The following AP3S1 variants were observed in gnomAD, a reference collection of about 807,000 sequenced individuals.
AP3S1 encodes the protein AP-3 complex subunit sigma-1.
AP3S1 carries 12 observed loss-of-function variants against 21.3 expected under a neutral mutation model. The observed-to-expected ratio is 0.56, with a 90% CI of 0.36 to 0.91. AP3S1 has a LOEUF of 0.91. AP3S1 is among the 40% of genes least tolerant of loss of function. The probability of loss-of-function intolerance (pLI) is 0.01; values close to 1 mark genes in which losing one functional copy is unlikely to be tolerated. For synonymous variants in AP3S1, 48 were observed against 78.4 expected, an observed-to-expected ratio of 0.61 and a Z score of 2.05; for missense variants, 116 against 225.0, an observed-to-expected ratio of 0.52 and a Z score of 3.10.
chr5:115,903,624 T>C (rs1338653650), intron 5 of AP3S1: 4 of 152,340 alleles, frequency 2.6e-5, no homozygotes, highest in African/African-American at 9.6e-5. Flanking sequence ...CGGTTTGTTA[T>C]ACTTAGCTAA....
Position 115,909,997 on chromosome 5 carries a change from C to T in AP3S1, c.454-3365C>T, listed in dbSNP as rs117267710. ...AGTCATGTGAGGCCAGGTGCACTGG[C>T]TCACGCCTATAATACCAACACTTTG... On this transcript the variant is annotated intron_variant, in intron 5 of 5. Transcript: ENST00000316788. Among the ~76,000 whole-genome samples the T allele has an allele frequency of 3.4e-3, 513 of 152,294 alleles. 20 individuals carry two copies. The East Asian group carries it at 0.088, about 26-fold the overall frequency.
In AP3S1 at chr5:115,890,071, G is replaced by A. The variant is rs964533463; in HGVS notation, c.274-5016G>A. Among the ~76,000 whole-genome samples, 5 of 151,270 alleles carry A rather than the reference G, an allele frequency of 3.3e-5. No individual in the cohort carries two copies. The East Asian group carries it at 5.9e-4, about 18-fold the overall frequency. ...ATTTAAAGTCTAAGTGCGTATAATC[G>A]TTTTGAAAGTCTATTTGACACTGTA... is the stretch of plus-strand genomic sequence containing the variant. On this transcript the variant is annotated intron_variant, in intron 3 of 5. Coordinates refer to ENST00000316788, the MANE Select transcript of AP3S1 (RefSeq NM_001284.4).
At chr5:115,887,966 G>A (rs577403534) in intron 3 of AP3S1, among the ~76,000 whole-genome samples, 15 of 152,128 alleles carry the variant, frequency 9.9e-5, no homozygotes, top group African/African-American at 3.6e-4. Context: ...GGCATTTTTC[G>A]AAATCTATTT....
At chr5:115,887,297 C>A (rs1580706500) in intron 3 of AP3S1, among the ~76,000 whole-genome samples, 1 of 151,964 alleles carries the variant, frequency 6.6e-6, no homozygotes, top group African/African-American at 2.4e-5. Context: ...ATATTAGTAT[C>A]CTTAAATTTA....
chr5:115,878,583 T>A (rs1191644043), intron 3 of AP3S1, among the ~76,000 whole-genome samples: 1 of 152,222 alleles, frequency 6.6e-6, no homozygotes, highest in African/African-American at 2.4e-5. Context: ...AGTACCATGC[T>A]GTTTGGGTTA....
chr5:115,880,302 A>G (rs1375406588), intron 3 of AP3S1, among the ~76,000 whole-genome samples: 1 of 152,030 alleles, frequency 6.6e-6, no homozygotes, highest in Non-Finnish European at 1.5e-5. Context: ...GGGTGTCGAT[A>G]TTAGATCTTT....
chr5:115,852,121 A>T (rs909402752), intron 1 of AP3S1, among the ~76,000 whole-genome samples: 1 of 152,176 alleles, frequency 6.6e-6, no homozygotes, highest in Non-Finnish European at 1.5e-5. Context: ...TCATAGGACT[A>T]TAGAACACAC....
rs1258857405 is a variant in AP3S1 at position 115,913,802 on chromosome 5, T to G, written c.*312T>G. On this transcript the variant is annotated 3_prime_UTR_variant, in exon 6 of 6. Transcript: ENST00000316788. ...GTGTTTTAAAAAGTGTTTCAGATAT[T>G]TCTCTAATTATGTACAACCTAAAAT... 3.7e-6 allele frequency: 1 copy of G among 270,114 alleles called. No individual in the cohort carries two copies. The highest frequency in any genetic ancestry group is 8.7e-5 in the East Asian group (1 of 11,450). The allele number at this position is 270,114 out of a possible 1,614,324, so 16.7% of individuals were successfully genotyped here.
chr5:115,849,634 A>C (rs1762295919), intron 1 of AP3S1, among the ~76,000 whole-genome samples: 1 of 152,144 alleles, frequency 6.6e-6, no homozygotes. Context: ...TCACACTTGC[A>C]TTTTGCCATT....
intron 3 of AP3S1, among the ~76,000 whole-genome samples, chr5:115,877,887 G>A (rs189341528): frequency 2.6e-5 from 4 of 152,038 alleles, no homozygotes; most frequent in African/African-American, 9.7e-5. Context: ...TTTAATGATC[G>A]CCATTCTAAC....
At chr5:115,879,130 A>G (rs1347087036) in intron 3 of AP3S1, among the ~76,000 whole-genome samples, 3 of 152,220 alleles carry the variant, frequency 2.0e-5, no homozygotes, top group Non-Finnish European at 4.4e-5. Flanking sequence ...ATATACAATC[A>G]TGTCATCTGC....
chr5:115,879,409 G>T (rs567722982), intron 3 of AP3S1, among the ~76,000 whole-genome samples: 1 of 152,210 alleles, frequency 6.6e-6, no homozygotes, highest in Non-Finnish European at 1.5e-5. Flanking sequence ...TAGTGTGAAG[G>T]GGTGTTGAAT....
At chr5:115,883,041 G>A (rs961995496) in intron 3 of AP3S1, among the ~76,000 whole-genome samples, 1 of 152,168 alleles carries the variant, frequency 6.6e-6, no homozygotes, top group Non-Finnish European at 1.5e-5. Flanking sequence ...AATGGCAGAC[G>A]CCTCTGCCCC....
chr5:115,906,158 A>G (rs1309658906), intron 5 of AP3S1, among the ~76,000 whole-genome samples: 1 of 152,248 alleles, frequency 6.6e-6, no homozygotes, highest in Non-Finnish European at 1.5e-5. Flanking sequence ...ACTCCGTCTC[A>G]AAAACAAACA....
At chr5:115,882,740 C>T (rs999607334) in intron 3 of AP3S1, among the ~76,000 whole-genome samples, 1 of 152,228 alleles carries the variant, frequency 6.6e-6, no homozygotes, top group Non-Finnish European at 1.5e-5. Context: ...GCTGGGAGAT[C>T]TGCTGCTCTA....
chr5:115,867,855 T>C (rs1461960212), intron 2 of AP3S1, among the ~76,000 whole-genome samples: 1 of 152,202 alleles, frequency 6.6e-6, no homozygotes, highest in African/African-American at 2.4e-5. Flanking sequence ...TGATTAATCT[T>C]ACTAGGGTGC....
At chr5:115,895,378 A>G (rs533611818) in intron 4 of AP3S1, among the ~76,000 whole-genome samples, 2 of 152,200 alleles carry the variant, frequency 1.3e-5, no homozygotes, top group African/African-American at 2.4e-5. Context: ...GCATTAACAA[A>G]TAATAATAAT....
intron 2 of AP3S1, 40 bp downstream of exon 2, chr5:115,866,801 A>G: frequency 7.1e-7 from 1 of 1,407,014 alleles, no homozygotes; most frequent in Non-Finnish European, 9.9e-7. Flanking sequence ...AGTTTTGACT[A>G]TGTGATTAAA....
In AP3S1 at chr5:115,883,621, G is replaced by A. The variant is rs531962355; in HGVS notation, c.274-11466G>A. Reference sequence around the variant, plus strand: ...CCGCCTTCTGCGTTGATCTCGCTGGGAGCTGCAGACTGGATCTGTTCCTAT... The same window carrying A: ...CCGCCTTCTGCGTTGATCTCGCTGGAAGCTGCAGACTGGATCTGTTCCTAT... On this transcript the variant is annotated intron_variant, in intron 3 of 5. Transcript: ENST00000316788. Among the ~76,000 whole-genome samples the A allele has an allele frequency of 1.7e-4, 26 of 152,232 alleles. 1 individual carries two copies. In the East Asian group the frequency reaches 5.0e-3, roughly 29 times the overall value.
Sources: gnomAD v4.1 joint callset for allele counts (sites outside exome capture counted in the v4.1 genomes callset) on GRCh38, gnomAD v4.1.1 for gene constraint, MANE v1.5 for transcripts, NCBI Gene and HGNC (gene_info 2026-07-23, HGNC 2026-07-21) for gene names.